Variants in SMG5 observed in about 807,000 individuals in gnomAD.
SMG5 encodes the protein nonsense-mediated mRNA decay factor SMG5.
Under a neutral mutation model 122.9 loss-of-function variants are expected in SMG5, and 53 were observed. That is an observed-to-expected ratio of 0.43 (90% CI 0.35 to 0.54). The LOEUF is 0.54. Among genes scored for constraint, SMG5 ranks in the 20% least tolerant of loss-of-function variants. The pLI is 0.01. For synonymous variants in SMG5, 477 were observed against 490.2 expected (o/e 0.97, Z 0.35); for missense variants, 1,153 against 1,285.6 (o/e 0.90, Z 1.58).
chr1:156,291,248 T>C, the SMG5 span: 2 of 683,990 alleles, frequency 2.9e-6, no homozygotes, highest in Non-Finnish European at 5.1e-6. Flanking sequence ...GCATAAACTT[T>C]GGCTGTATTT....
upstream of SMG5, chr1:156,282,831 C>G (rs1356910282): frequency 1.3e-6 from 1 of 756,404 alleles, no homozygotes; most frequent in Non-Finnish European, 2.0e-6. Context: ...GCGACAGCTC[C>G]TCCTCCGCCT....
At chr1:156,267,425 C>T (rs1161586648) in intron 10 of SMG5, 45 bp downstream of exon 10, 1 of 1,586,880 alleles carries the variant, frequency 6.3e-7, no homozygotes, top group East Asian at 2.2e-5. Flanking sequence ...GAGTGAGGAT[C>T]CCCAAAGCCA....
chr1:156,269,596 C>T (rs923497267), intron 7 of SMG5, among the ~76,000 whole-genome samples: 1 of 152,008 alleles, frequency 6.6e-6, no homozygotes, highest in Non-Finnish European at 1.5e-5. Flanking sequence ...ATTAGCCAGG[C>T]TGGGTGCAGT....
rs540973212 is a variant in SMG5, at chr1:156,253,357, G to A, written c.2502+92C>T. The A allele has an allele frequency of 2.3e-6, 3 of 1,306,976 alleles. No individual in the cohort carries two copies. In the Admixed American group the frequency reaches 5.2e-5, roughly 22 times the overall value. 81.0% of individuals were successfully genotyped at this position (1,306,976 alleles called of 1,614,324 possible). The stretch of plus-strand genomic sequence containing the variant: ...GAGGGACACAGAGGCAACAGAGCAG[G>A]GGGACTACAGCGGAAGGGGGAGACC... On this transcript the variant is annotated intron_variant, in intron 17 of 21. Transcript: ENST00000361813.
At chr1:156,287,050 G>GA (rs1663188670), upstream of SMG5, among the ~76,000 whole-genome samples, 3 of 152,234 alleles carry the variant, frequency 2.0e-5, 1 homozygote. Flanking sequence ...TTGAGTCCAG[G>GA]AGGTGGAGAT....
chr1:156,277,511 C>CTTTT (rs550751703), intron 3 of SMG5, among the ~76,000 whole-genome samples: 1 of 133,064 alleles, frequency 7.5e-6, no homozygotes, highest in Non-Finnish European at 1.6e-5. Context: ...TTTCTGCTGT[C>CTTTT]TTTTTTTTTT....
chr1:156,279,024 C>G lies in SMG5; in HGVS notation c.85G>C (p.Glu29Gln), dbSNP rs1274131742. 5 of 1,614,080 alleles carry G rather than the reference C, an allele frequency of 3.1e-6. No individual in the cohort carries two copies. The highest frequency in any genetic ancestry group is 1.3e-5 in the African/African-American group (1 of 75,026). Residue 29 changes from glutamate to glutamine, a missense_variant, in exon 2 of 22, where the codon GAG (glutamate) becomes CAG (glutamine). Around this residue, in one of 5 missense-constraint regions of SMG5, gnomAD observed 213 missense variants for 197.5 expected, o/e 1.08. Coordinates refer to ENST00000361813, the MANE Select transcript of SMG5 (RefSeq NM_015327.3). ...HTKRLYRAVV[E>Q]AVHRLDLILC... ...ATGAGGTCAAGTCGATGCACAGCCT[C>G]CACCACAGCCCTGTAGGGAAATACA...
At chr1:156,269,359 C>G (rs983016849) in intron 7 of SMG5, among the ~76,000 whole-genome samples, 3 of 152,208 alleles carry the variant, frequency 2.0e-5, no homozygotes, top group Non-Finnish European at 4.4e-5. Context: ...AAGTGACCCT[C>G]AACCTCCCAA....
chr1:156,255,642 A>G (rs1273120232), intron 16 of SMG5, among the ~76,000 whole-genome samples: 1 of 151,900 alleles, frequency 6.6e-6, no homozygotes, highest in Non-Finnish European at 1.5e-5. Context: ...TCCCAGCAAT[A>G]TGGGAGGCCG....
chr1:156,251,051 C>A, intron 20 of SMG5, 55 bp from the exon 21 acceptor site: 1 of 1,591,434 alleles, frequency 6.3e-7, no homozygotes. Context: ...TAGCACAGCC[C>A]AAACACCAGG....
chr1:156,286,718 A>G (rs542729712), upstream of SMG5, among the ~76,000 whole-genome samples: 24 of 152,332 alleles, frequency 1.6e-4, no homozygotes, highest in East Asian at 2.3e-3. Context: ...ATCTAGATCA[A>G]TGCACCCATT....
chr1:156,276,714 T>C (rs1481998612), intron 4 of SMG5, among the ~76,000 whole-genome samples: 3 of 152,222 alleles, frequency 2.0e-5, no homozygotes, highest in South Asian at 4.1e-4. Context: ...TCCCAACATA[T>C]CTAAAGATTT....
At chr1:156,285,961 T>G (rs1663147570), upstream of SMG5, 1 of 1,608,990 alleles carries the variant, frequency 6.2e-7, no homozygotes, top group African/African-American at 1.3e-5. Flanking sequence ...GCGGGGTCTT[T>G]GCCACCTTCC....
intron 19 of SMG5, among the ~76,000 whole-genome samples, chr1:156,252,075 G>A (rs1417018801): frequency 6.6e-6 from 1 of 152,194 alleles, no homozygotes; most frequent in African/African-American, 2.4e-5. Context: ...CAAAGCAGGA[G>A]AAATTCCTAT....
chr1:156,269,431 A>G (rs1662300884), intron 7 of SMG5, among the ~76,000 whole-genome samples: 1 of 152,182 alleles, frequency 6.6e-6, no homozygotes, highest in Non-Finnish European at 1.5e-5. Context: ...TACTAAAAAC[A>G]AACAAACACA....
chr1:156,278,119 G>T, intron 2 of SMG5, 71 bp from the exon 3 acceptor site: 1 of 1,572,246 alleles, frequency 6.4e-7, no homozygotes, highest in African/African-American at 1.4e-5. Flanking sequence ...CTGAGGGCAA[G>T]GAGTCATGTG....
intron 2 of SMG5, among the ~76,000 whole-genome samples, 160 bp from the exon 3 acceptor site, chr1:156,278,208 G>C (rs1255437703): frequency 6.6e-6 from 1 of 152,078 alleles, no homozygotes; most frequent in Non-Finnish European, 1.5e-5. Context: ...CAGCAGCCTA[G>C]GAAGGCAGTG....
In SMG5 at chr1:156,251,990, A is replaced by T. The variant is rs149011875; in HGVS notation, c.2753+424T>A. On this transcript the variant is annotated intron_variant, in intron 19 of 21. Coordinates refer to ENST00000361813, the MANE Select transcript of SMG5 (RefSeq NM_015327.3). The stretch of plus-strand genomic sequence containing the variant: ...GGTCTTACCACTCCCTCAGCTCAGC[A>T]GGGAGGTGGGAAGCCCCTGGGCAGC... Among the ~76,000 whole-genome samples, 440 of 152,310 alleles carry T rather than the reference A, an allele frequency of 2.9e-3. 3 individuals carry two copies. The highest frequency in any genetic ancestry group is 9.9e-3 in the African/African-American group (410 of 41,572).
At chr1:156,263,132 T>C (rs1661932301) in intron 13 of SMG5, among the ~76,000 whole-genome samples, 2 of 152,258 alleles carry the variant, frequency 1.3e-5, no homozygotes, top group Non-Finnish European at 2.9e-5. Flanking sequence ...TTACTCATAA[T>C]GGCAGGCATT....
Sources: gnomAD v4.1 joint callset for allele counts (sites outside exome capture counted in the v4.1 genomes callset) on GRCh38, gnomAD v4.1.1 for gene constraint, gnomAD v4.1.1 regional missense constraint, MANE v1.5 for transcripts, NCBI Gene and HGNC (gene_info 2026-07-23, HGNC 2026-07-21) for gene names.